The following NKTR variants were observed in gnomAD, a reference collection of about 807,000 sequenced individuals.
NKTR encodes the protein NK-tumor recognition protein.
A neutral mutation model predicts 156.3 loss-of-function variants in NKTR; 67 were observed. The ratio of observed to expected loss-of-function variants is 0.43; its 90% CI spans 0.35 to 0.53. NKTR has a LOEUF of 0.53. Ranked by LOEUF, NKTR falls within the 20% of genes least tolerant of loss-of-function variation. The pLI is 0.01. For missense variants in NKTR, 1,604 were observed against 1,730.9 expected (o/e 0.93, Z 1.30); for synonymous variants, 640 against 596.6 (o/e 1.07, Z -1.06).
intron 2 of NKTR, 75 bp from the exon 3 acceptor site, chr3:42,617,495 C>A: frequency 1.3e-6 from 1 of 743,062 alleles, no homozygotes; most frequent in Non-Finnish European, 2.4e-6. Context: ...AATTTGTTAG[C>A]CCTGTTTCTT....
At position 42,635,262 on chromosome 3, in the gene NKTR, A is replaced by G. The variant is rs761949880; in HGVS notation, c.1059A>G (p.Ser353=). ...CAAGATCAAGATCCTGTTCTGAGTC[A>G]GATGATGATGACAGCAGTGAAACTC... ...TPPRSRSCSE[S]DDDDSSETPP... is the part of the protein sequence containing the mutation. The change falls in exon 12 of 17, where the codon TCA becomes TCG. Residue 353 remains serine, a synonymous_variant. Transcript: ENST00000232978. The G allele has an allele frequency of 6.2e-7, 1 of 1,613,896 alleles. No homozygotes were observed. Among genetic ancestry groups the G allele is most frequent in the Non-Finnish European group, 8.5e-7 (1 of 1,179,858 alleles).
chr3:42,633,130 C>T, intron 9 of NKTR: 8 of 580,180 alleles, frequency 1.4e-5, no homozygotes, highest in Non-Finnish European at 1.8e-5. Flanking sequence ...TCCTCCACCT[C>T]CTGGGCTCAA....
rs1708590016 is a variant in NKTR at position 42,628,388 on chromosome 3, C to G, written c.375-2158C>G. 3.0e-6 allele frequency: 3 copies of G among 984,750 alleles called. No homozygotes were observed. In the South Asian group the frequency reaches 1.4e-4, roughly 46 times the overall value. The allele number at this position is 984,750 out of a possible 1,614,324, so 61.0% of individuals were successfully genotyped here. On this transcript the variant is annotated intron_variant, in intron 6 of 16. Transcript: ENST00000232978. The stretch of plus-strand genomic sequence containing the variant: ...CTTGAATGTCATAAAGATAGCTATT[C>G]CATCCTCAAATTGAGTCTCAAGTAG...
Position 42,646,336 on chromosome 3 carries a change from G to A in NKTR, c.*361G>A, listed in dbSNP as rs1710345894. 1 of 211,478 alleles carries A rather than the reference G, an allele frequency of 4.7e-6. No individual in the cohort carries two copies. The highest frequency in any genetic ancestry group is 9.7e-6 in the Non-Finnish European group (1 of 102,594). The allele number at this position is 211,478 out of a possible 1,614,324, so 13.1% of individuals were successfully genotyped here. On this transcript the variant is annotated 3_prime_UTR_variant, in exon 17 of 17. Transcript: ENST00000232978. Reference sequence around the variant, plus strand: ...CTTTTTGCCTGTTTTTCCAGTTTTAGCATATATGCTGCCAAGCATAGAACT... The same window carrying A: ...CTTTTTGCCTGTTTTTCCAGTTTTAACATATATGCTGCCAAGCATAGAACT...
chr3:42,625,038 A>G (rs1708248384), intron 6 of NKTR, among the ~76,000 whole-genome samples: 1 of 152,192 alleles, frequency 6.6e-6, no homozygotes. Context: ...GTATAAAAAT[A>G]TGGATGTAAA....
intron 9 of NKTR, 74 bp downstream of exon 9, chr3:42,632,897 TA>T: frequency 7.4e-7 from 1 of 1,343,332 alleles, no homozygotes; most frequent in Non-Finnish European, 9.6e-7. Flanking sequence ...TATAATTCTA[TA>T]AACTCAATTT....
intron 2 of NKTR, among the ~76,000 whole-genome samples, chr3:42,607,602 T>A (rs984072980): frequency 5.3e-5 from 8 of 152,114 alleles, no homozygotes; most frequent in Admixed American, 2.6e-4. Context: ...TCCTGGATTT[T>A]AAAAAATAGA....
At chr3:42,607,316 C>G (rs1314683851) in intron 2 of NKTR, among the ~76,000 whole-genome samples, 3 of 152,062 alleles carry the variant, frequency 2.0e-5, no homozygotes, top group African/African-American at 7.2e-5. Context: ...TTTGCAACCC[C>G]CATGGTAATA....
intron 2 of NKTR, among the ~76,000 whole-genome samples, chr3:42,605,846 T>A (rs528755941): frequency 6.6e-6 from 1 of 152,340 alleles, no homozygotes; most frequent in Admixed American, 6.5e-5. Flanking sequence ...AGTGTAATAG[T>A]GCTTACATAA....
In NKTR at chr3:42,639,227, G is replaced by A; in HGVS notation, c.3523G>A (p.Val1175Ile). The change falls in exon 13 of 17, where the codon GTA becomes ATA. Residue 1175 changes from valine to isoleucine, a missense_variant. By Grantham distance (29) the Val-to-Ile change is conservative (BLOSUM62 3). Transcript: ENST00000232978. The part of the protein sequence containing the change: ...DMATEHPQAE[V>I]VKQESSMSES... ...GGCAACGGAACATCCTCAAGCAGAG[G>A]TAGTAAAACAGGAAAGCAGCATGTC... 6.2e-7 allele frequency: 1 copy of A among 1,614,192 alleles called. No individual in the cohort carries two copies.
intron 5 of NKTR, 140 bp downstream of exon 5, chr3:42,619,848 A>C (rs1416275910): frequency 2.1e-6 from 3 of 1,459,360 alleles, no homozygotes; most frequent in Non-Finnish European, 2.7e-6. Context: ...CTTTATTTGC[A>C]TGAATTTGGG....
intron 1 of NKTR, 57 bp from the exon 2 acceptor site, chr3:42,600,926 CT>C (rs1024130190): frequency 2.3e-5 from 26 of 1,125,612 alleles, no homozygotes; most frequent in East Asian, 2.2e-4. Context: ...GCCCTCGCCC[CT>C]GCCCTCGCCC....
chr3:42,620,151 C>T, intron 5 of NKTR: 10 of 1,391,184 alleles, frequency 7.2e-6, no homozygotes, highest in South Asian at 1.7e-5. Context: ...TTCTATATTG[C>T]TTGAAGACTT....
At chr3:42,619,349 T>C in intron 4 of NKTR, 1 of 1,212,318 alleles carries the variant, frequency 8.2e-7, no homozygotes, top group South Asian at 1.9e-5. Context: ...TTTATTAATA[T>C]TATAGTTACT....
intron 6 of NKTR, among the ~76,000 whole-genome samples, chr3:42,625,258 AT>A: frequency 6.6e-6 from 1 of 152,296 alleles, no homozygotes; most frequent in East Asian, 1.9e-4. Flanking sequence ...CTGCGCAGCC[AT>A]AGAGTAGGGA....
At position 42,636,968 on chromosome 3, in the gene NKTR, A is replaced by G. The variant is rs1364814620; in HGVS notation, c.1264A>G (p.Arg422Gly). The change falls in exon 13 of 17, where the codon AGA becomes GGA. Residue 422 changes from arginine (R) to glycine (G), a missense_variant. By Grantham distance (125) the Arg-to-Gly change is moderately radical (BLOSUM62 -2). Around this residue, in one of 6 missense-constraint regions of NKTR, gnomAD observed 1,255 missense variants for 1,243.7 expected, o/e 1.01. Coordinates refer to ENST00000232978, the MANE Select transcript of NKTR (RefSeq NM_005385.4). ...ATATTATTCAGACCTTAGTACAGCA[A>G]GACACTCTGGCCACCATAAAAAACG... ...NGYYSDLSTA[R>G]HSGHHKKRRK... is the part of the protein sequence containing the mutation. 1.2e-6 allele frequency: 2 copies of G among 1,612,386 alleles called. No homozygotes were observed. Among genetic ancestry groups the G allele is most frequent in the Non-Finnish European group, 1.7e-6 (2 of 1,179,644 alleles).
chr3:42,613,793 T>C (rs989583061), intron 2 of NKTR, among the ~76,000 whole-genome samples: 5 of 152,242 alleles, frequency 3.3e-5, no homozygotes, highest in African/African-American at 4.8e-5. Context: ...ATCTTAATAT[T>C]GTTCCCCTGT....
At chr3:42,611,853 T>C (rs766200005) in intron 2 of NKTR, among the ~76,000 whole-genome samples, 37 of 152,292 alleles carry the variant, frequency 2.4e-4, no homozygotes, top group Non-Finnish European at 4.3e-4. Flanking sequence ...GTCCAAATCC[T>C]TGTTGGTTTT....
chr3:42,642,879 A>G (rs1710014706), intron 14 of NKTR, among the ~76,000 whole-genome samples: 1 of 152,192 alleles, frequency 6.6e-6, no homozygotes. Flanking sequence ...TAAGTTTTAC[A>G]TCTGCATTCA....
Sources: gnomAD v4.1 joint callset for allele counts (sites outside exome capture counted in the v4.1 genomes callset) on GRCh38, gnomAD v4.1.1 for gene constraint, gnomAD v4.1.1 regional missense constraint, MANE v1.5 for transcripts, NCBI Gene and HGNC (gene_info 2026-07-23, HGNC 2026-07-21) for gene names.